The following RASSF1 variants were observed in gnomAD, a reference collection of about 807,000 sequenced individuals.
The protein encoded by RASSF1 is Ras association domain family member 1, also known as ras association domain-containing protein 1.
A neutral mutation model predicts 34.3 loss-of-function variants in RASSF1; 33 were observed. That is an observed-to-expected ratio of 0.96 (90% CI 0.73 to 1.29). The LOEUF is 1.29. Among genes scored for constraint, RASSF1 ranks in the 50% most tolerant of loss-of-function variants. The probability of loss-of-function intolerance (pLI) is 0.00; values close to 1 mark genes in which losing one functional copy is unlikely to be tolerated. For missense variants in RASSF1, 445 were observed against 471.8 expected (o/e 0.94, Z 0.53); for synonymous variants, 191 against 195.0 (o/e 0.98, Z 0.17).
chr3:50,335,403 G>A (rs1362656287), intron 2 of RASSF1, among the ~76,000 whole-genome samples: 1 of 138,792 alleles, frequency 7.2e-6, no homozygotes. Flanking sequence ...TGCAACCTCT[G>A]TCTTCTGGGT....
chr3:50,340,338 T>C lies in RASSF1; in HGVS notation c.250+218A>G, dbSNP rs587738979. On this transcript the variant is annotated intron_variant, in intron 1 of 5. Coordinates refer to ENST00000359365, the MANE Select transcript of RASSF1 (RefSeq NM_007182.5). Reference sequence around the variant, plus strand: ...CTTAAAATCAGCGTATTTTTACATATAAGCAGCCACCTCTGCTCATCTGTG... The same window carrying C: ...CTTAAAATCAGCGTATTTTTACATACAAGCAGCCACCTCTGCTCATCTGTG... Among the ~76,000 whole-genome samples, 3 of 152,320 alleles carry C rather than the reference T, an allele frequency of 2.0e-5. No homozygotes were observed. The East Asian group carries it at 5.8e-4, about 29-fold the overall frequency.
intron 2 of RASSF1, among the ~76,000 whole-genome samples, chr3:50,333,621 C>T (rs1218271448): frequency 6.6e-6 from 1 of 152,022 alleles, no homozygotes; most frequent in South Asian, 2.1e-4. Flanking sequence ...GGACTACAGG[C>T]GCGTGCCACA....
At chr3:50,337,444 T>TAG (rs35023421) in intron 2 of RASSF1, 51,890 of 1,579,842 alleles carry the variant, frequency 0.033, 990 homozygotes, top group Non-Finnish European at 0.039. Context: ...CCGCAACCGT[T>TAG]AAGACTGAAA....
chr3:50,336,859 C>G (rs1575545663), intron 2 of RASSF1: 1 of 394,750 alleles, frequency 2.5e-6, no homozygotes, highest in East Asian at 5.4e-5. Flanking sequence ...AGGTGCTAGT[C>G]CAAACTGCTC....
intron 2 of RASSF1, among the ~76,000 whole-genome samples, chr3:50,333,776 G>T (rs183502725): frequency 2.0e-5 from 3 of 152,024 alleles, no homozygotes; most frequent in African/African-American, 7.2e-5. Context: ...CATCGTACCC[G>T]ACCCAGAGAT....
intron 2 of RASSF1, among the ~76,000 whole-genome samples, chr3:50,335,563 C>G (rs981785092): frequency 6.6e-6 from 1 of 152,122 alleles, no homozygotes; most frequent in Non-Finnish European, 1.5e-5. Context: ...AAGTGATCTG[C>G]CTGCCTTGGC....
chr3:50,333,237 G>A (rs184932849), intron 2 of RASSF1, among the ~76,000 whole-genome samples: 225 of 152,362 alleles, frequency 1.5e-3, no homozygotes, highest in African/African-American at 5.2e-3. Context: ...ACCCACTGCA[G>A]GGTGAGAGGA....
In RASSF1 at chr3:50,331,664, G is replaced by A. The variant is rs376674291; in HGVS notation, c.655C>T (p.Arg219Cys). The A allele has an allele frequency of 9.3e-6, 15 of 1,612,822 alleles. No homozygotes were observed. Among genetic ancestry groups the A allele is most frequent in the East Asian group, 4.5e-5 (2 of 44,836 alleles). ...DAVKHLHVLS[R>C]TRAREVIEAL... is the part of the protein sequence containing the mutation. ...TCAATGACTTCACGTGCCCTTGTGC[G>A]TGACAGCACATGCAGGTGCTTGACA... Residue 219 changes from arginine to cysteine, a missense_variant, in exon 4 of 6, where the codon CGC becomes TGC. Arg to Cys is a radical substitution (Grantham distance 180). Transcript: ENST00000359365.
At chr3:50,335,667 G>C (rs1703110290) in intron 2 of RASSF1, among the ~76,000 whole-genome samples, 1 of 152,056 alleles carries the variant, frequency 6.6e-6, no homozygotes, top group Non-Finnish European at 1.5e-5. Context: ...CCAGGTTGGA[G>C]TGCAGTGGCA....
At chr3:50,336,079 T>C (rs1405104173) in intron 2 of RASSF1, among the ~76,000 whole-genome samples, 3 of 152,150 alleles carry the variant, frequency 2.0e-5, no homozygotes, top group Admixed American at 1.3e-4. Context: ...TCCTTTTCAA[T>C]TGGTTAGTGT....
rs1469309136 is a variant in RASSF1 at position 50,330,885 on chromosome 3, A to G, written c.877-158T>C. Among the ~76,000 whole-genome samples, 1 of 152,200 alleles carries G rather than the reference A, an allele frequency of 6.6e-6. No individual in the cohort carries two copies. Among genetic ancestry groups the G allele is most frequent in the Admixed American group, 6.5e-5 (1 of 15,284 alleles). ...AATGATCTCTGGTAGGATCCCTGAC[A>G]GCAGTTTGTATGGAAGATGGGCCCT... On this transcript the variant is annotated intron_variant, in intron 5 of 5. Coordinates refer to ENST00000359365, the MANE Select transcript of RASSF1 (RefSeq NM_007182.5). The surrounding 1 kb of genome is among the most constrained non-coding windows in gnomAD (Gnocchi z 4.5).
intron 2 of RASSF1, among the ~76,000 whole-genome samples, chr3:50,335,871 A>C (rs1268247621): frequency 6.6e-6 from 1 of 151,678 alleles, no homozygotes; most frequent in South Asian, 2.1e-4. Flanking sequence ...CTCCCAAAGC[A>C]TTGGCATTAG....
rs375690705 is a variant in RASSF1, at chr3:50,330,743, G to A, written c.877-16C>T. ...AGGCGTCCCACTGCAAGGGGCAAAA[G>A]GGGAGTGTACAGGCTGCAGAAGGGA... On this transcript the variant is annotated splice_polypyrimidine_tract_variant and intron_variant, in intron 5 of 5. Coordinates refer to ENST00000359365, the MANE Select transcript of RASSF1 (RefSeq NM_007182.5). The surrounding 1 kb of genome is among the most constrained non-coding windows in gnomAD (Gnocchi z 4.5). 4 of 1,613,148 alleles carry A rather than the reference G, an allele frequency of 2.5e-6. No individual in the cohort carries two copies. The African/African-American group carries it at 5.3e-5, about 22-fold the overall frequency.
rs753924873 is a variant in RASSF1, at chr3:50,340,671, C to T, written c.135G>A (p.Gln45=). The T allele has an allele frequency of 6.5e-7, 1 of 1,534,166 alleles. No homozygotes were observed. The highest frequency in any genetic ancestry group is 1.2e-5 in the South Asian group (1 of 84,028). Reference sequence around the variant, plus strand: ...AGCGGTGGCCACGGCCAGGGACCAGCTGCCGTGTGGGGTTGCACGCGGTGC... The same window carrying T: ...AGCGGTGGCCACGGCCAGGGACCAGTTGCCGTGTGGGGTTGCACGCGGTGC... ...ARGTACNPTR[Q]LVPGRGHRFQ... Residue 45 remains glutamine, a synonymous_variant, in exon 1 of 6, where the codon CAG becomes CAA. Coordinates refer to ENST00000359365, the MANE Select transcript of RASSF1 (RefSeq NM_007182.5).
intron 1 of RASSF1, among the ~76,000 whole-genome samples, chr3:50,339,977 C>T (rs1031308136): frequency 1.3e-5 from 2 of 152,194 alleles, no homozygotes; most frequent in Admixed American, 1.3e-4. Flanking sequence ...CTGGTGTCTA[C>T]CCAGGGGAGA....
chr3:50,335,674 G>A (rs1703110864), intron 2 of RASSF1, among the ~76,000 whole-genome samples: 2 of 152,104 alleles, frequency 1.3e-5, no homozygotes, highest in East Asian at 3.9e-4. Flanking sequence ...GGAGTGCAGT[G>A]GCACGATCTT....
chr3:50,335,625 C>CT (rs1426727180), intron 2 of RASSF1, among the ~76,000 whole-genome samples: 21 of 151,368 alleles, frequency 1.4e-4, no homozygotes, highest in Non-Finnish European at 2.7e-4. Flanking sequence ...AGCCTTCTTT[C>CT]TTTTTTTTGA....
At chr3:50,337,163 T>G in intron 2 of RASSF1, 15 of 1,605,598 alleles carry the variant, frequency 9.3e-6, no homozygotes, top group Non-Finnish European at 1.3e-5. Flanking sequence ...CGGCACCCCC[T>G]GGCTCCCACC....
At position 50,331,325 on chromosome 3, in the gene RASSF1, T is replaced by C. The variant is rs1702926614; in HGVS notation, c.876+9A>G. ...GTGACAACCAAGAAACTAAGAACTA[T>C]GTACTCACGTTCACCTCCCCAGAGT... is the stretch of plus-strand genomic sequence containing the variant. On this transcript the variant is annotated intron_variant, in intron 5 of 5. Transcript: ENST00000359365. 1 of 1,543,830 alleles carries C rather than the reference T, an allele frequency of 6.5e-7. No homozygotes were observed.
Sources: gnomAD v4.1 joint callset for allele counts (sites outside exome capture counted in the v4.1 genomes callset) on GRCh38, gnomAD v4.1.1 for gene constraint, Gnocchi (gnomAD v3.1) non-coding constraint, MANE v1.5 for transcripts, NCBI Gene and HGNC (gene_info 2026-07-23, HGNC 2026-07-21) for gene names.